ZNF732: variants seen among roughly 807,000 people sequenced by gnomAD.
ZNF732 encodes zinc finger protein 732.
Under a neutral mutation model 11.5 loss-of-function variants are expected in ZNF732, and 12 were observed. The ratio of observed to expected loss-of-function variants is 1.05; its 90% confidence interval spans 0.67 to 1.70. The LOEUF (loss-of-function observed/expected upper bound fraction) is 1.70, where lower values mean the gene tolerates loss of function less well. Among genes scored for constraint, ZNF732 ranks in the 40% most tolerant of loss-of-function variants. ZNF732 has a pLI of 0.00. For synonymous variants in ZNF732, 231 were observed against 236.5 expected (o/e 0.98, Z 0.21); for missense variants, 702 against 676.9 (o/e 1.04, Z -0.41).
chr4:299,472 T>C lies in ZNF732; in HGVS notation c.4-3317A>G, dbSNP rs184995410. Among the ~76,000 whole-genome samples, 26 of 80,920 alleles carry C rather than the reference T, an allele frequency of 3.2e-4. 3 individuals are homozygous for C. Among genetic ancestry groups the C allele is most frequent in the East Asian group, 1.6e-3 (5 of 3,034 alleles). 53.1% of individuals were successfully genotyped at this position (80,920 alleles called of 152,430 possible). On this transcript the variant is annotated intron_variant, in intron 1 of 3. Coordinates refer to ENST00000419098, the MANE Select transcript of ZNF732 (RefSeq NM_001137608.3). The stretch of plus-strand genomic sequence containing the variant: ...ATATACACATATGTGTATATATATA[T>C]ACACATATATACACATATGTGTGTA...
chr4:298,251 G>C (rs1720001829), intron 1 of ZNF732, among the ~76,000 whole-genome samples: 1 of 152,158 alleles, frequency 6.6e-6, no homozygotes, highest in African/African-American at 2.4e-5. Context: ...TTCCATCTTT[G>C]TACTGAACAT....
At chr4:274,862 C>T (rs1477041892) in intron 3 of ZNF732, among the ~76,000 whole-genome samples, 5 of 151,554 alleles carry the variant, frequency 3.3e-5, no homozygotes, top group East Asian at 1.9e-4. Context: ...TCTATACATA[C>T]GTTAATATGT....
intron 3 of ZNF732, among the ~76,000 whole-genome samples, chr4:273,810 A>T (rs539105679): frequency 6.6e-6 from 1 of 151,886 alleles, no homozygotes; most frequent in South Asian, 2.1e-4. Context: ...ATTACCAGTG[A>T]ATCTGTCAAC....
intron 1 of ZNF732, among the ~76,000 whole-genome samples, chr4:300,886 A>C (rs1172199931): frequency 6.6e-6 from 1 of 152,206 alleles, no homozygotes; most frequent in Non-Finnish European, 1.5e-5. Flanking sequence ...TAATTAAACT[A>C]AAGAGCTTCT....
At chr4:293,869 G>T (rs946698212) in intron 3 of ZNF732, among the ~76,000 whole-genome samples, 1 of 151,750 alleles carries the variant, frequency 6.6e-6, no homozygotes, top group Non-Finnish European at 1.5e-5. Flanking sequence ...TTCATATCAC[G>T]CAAACACAGA....
intron 3 of ZNF732, among the ~76,000 whole-genome samples, chr4:292,085 T>G (rs1485778332): frequency 6.6e-6 from 1 of 152,094 alleles, no homozygotes; most frequent in Non-Finnish European, 1.5e-5. Context: ...CACTTCAATA[T>G]AAGATAAAAA....
At chr4:291,209 T>C (rs1180718626) in intron 3 of ZNF732, among the ~76,000 whole-genome samples, 2 of 152,348 alleles carry the variant, frequency 1.3e-5, no homozygotes, top group Non-Finnish European at 2.9e-5. Context: ...CATTAAGGTA[T>C]CAGGATACGT....
chr4:279,067 C>T lies in ZNF732; in HGVS notation c.227-6437G>A, dbSNP rs1328040302. ...GTGTGTCTTTTCTTCTCCCCTCACG[C>T]GTTTCCCGCACAGGACAATCTTACA... On this transcript the variant is annotated intron_variant, in intron 3 of 3. Coordinates refer to ENST00000419098, the MANE Select transcript of ZNF732 (RefSeq NM_001137608.3). Among the ~76,000 whole-genome samples, 15 of 151,992 alleles carry T rather than the reference C, an allele frequency of 9.9e-5. 1 individual carries two copies. The highest frequency in any genetic ancestry group is 2.1e-4 in the South Asian group (1 of 4,824).
intron 1 of ZNF732, among the ~76,000 whole-genome samples, chr4:300,647 TC>T (rs1163894222): frequency 1.3e-5 from 2 of 152,024 alleles, no homozygotes; most frequent in African/African-American, 4.8e-5. Context: ...TTCTCTCAAA[TC>T]CCAGGACATA....
At chr4:277,905 A>G (rs1205949760) in intron 3 of ZNF732, among the ~76,000 whole-genome samples, 1 of 151,600 alleles carries the variant, frequency 6.6e-6, no homozygotes, top group Admixed American at 6.6e-5. Flanking sequence ...CAAAATCAGT[A>G]TGTCAAAGAG....
chr4:296,550 G>A (rs185460177), intron 1 of ZNF732, among the ~76,000 whole-genome samples: 1 of 152,280 alleles, frequency 6.6e-6, no homozygotes, highest in East Asian at 1.9e-4. Flanking sequence ...CAGGATCTGT[G>A]GGGAGGGCAC....
chr4:279,205 G>A (rs1302309905), intron 3 of ZNF732, among the ~76,000 whole-genome samples: 5 of 151,812 alleles, frequency 3.3e-5, no homozygotes, highest in South Asian at 2.1e-4. Context: ...TTGGGAGGCC[G>A]AGGCGGGCAG....
intron 1 of ZNF732, among the ~76,000 whole-genome samples, chr4:300,485 G>T (rs201418806): frequency 1.0e-4 from 15 of 145,070 alleles, no homozygotes; most frequent in African/African-American, 3.8e-4. Context: ...GAAAAGAAAA[G>T]AAAAAATTAT....
intron 3 of ZNF732, among the ~76,000 whole-genome samples, chr4:281,654 T>C (rs534186963): frequency 8.5e-5 from 13 of 152,302 alleles, no homozygotes; most frequent in African/African-American, 2.9e-4. Flanking sequence ...AAGCACTTTA[T>C]TGCAACCTCA....
chr4:270,692 C>T lies in ZNF732; in HGVS notation c.*407G>A. The T allele has an allele frequency of 2.6e-6, 1 of 389,094 alleles. No individual in the cohort carries two copies. The highest frequency in any genetic ancestry group is 2.4e-5 in the South Asian group (1 of 41,740). 24.1% of individuals were successfully genotyped at this position (389,094 alleles called of 1,614,324 possible). On this transcript the variant is annotated 3_prime_UTR_variant, in exon 4 of 4. Coordinates refer to ENST00000419098, the MANE Select transcript of ZNF732 (RefSeq NM_001137608.3). The stretch of plus-strand genomic sequence containing the variant: ...GATTCCTTACATTTGTAGGTGTTCT[C>T]TCCATTATGAATTTTCTCATGTTTA...
chr4:280,059 CCATA>C (rs1435863633), intron 3 of ZNF732, among the ~76,000 whole-genome samples: 1 of 150,810 alleles, frequency 6.6e-6, no homozygotes, highest in African/African-American at 2.4e-5. Flanking sequence ...TTGAAAATTA[CCATA>C]CAAATATGAA....
At chr4:289,376 T>C (rs1277745165) in intron 3 of ZNF732, among the ~76,000 whole-genome samples, 1 of 152,254 alleles carries the variant, frequency 6.6e-6, no homozygotes, top group Non-Finnish European at 1.5e-5. Flanking sequence ...GGAGAAATCC[T>C]ACATGTTGCA....
At chr4:301,175 C>T (rs1720109934) in intron 1 of ZNF732, among the ~76,000 whole-genome samples, 1 of 152,212 alleles carries the variant, frequency 6.6e-6, no homozygotes, top group African/African-American at 2.4e-5. Context: ...GAGATACCAT[C>T]TCACACCAGT....
intron 3 of ZNF732, among the ~76,000 whole-genome samples, chr4:292,753 A>G (rs1028395789): frequency 6.6e-6 from 1 of 151,602 alleles, no homozygotes; most frequent in Non-Finnish European, 1.5e-5. Context: ...TCATCATAAA[A>G]AACAATAAAA....
Sources: allele counts gnomAD v4.1 joint callset (sites outside exome capture counted in the v4.1 genomes callset), GRCh38; gene constraint gnomAD v4.1.1; transcripts MANE v1.5; gene names NCBI Gene and HGNC (gene_info 2026-07-23, HGNC 2026-07-21).